The following MBTPS1 variants were observed in gnomAD, a reference collection of about 807,000 sequenced individuals.
MBTPS1 encodes membrane-bound transcription factor site-1 protease.
MBTPS1 carries 94 observed loss-of-function variants against 127.8 expected under a neutral mutation model. That is an observed-to-expected ratio of 0.74 (90% CI 0.62 to 0.87). The LOEUF (loss-of-function observed/expected upper bound fraction) is 0.87, where lower values mean the gene tolerates loss of function less well. Among genes scored for constraint, MBTPS1 ranks in the 40% least tolerant of loss-of-function variants. MBTPS1 has a pLI of 0.00. For missense variants in MBTPS1, 1,636 were observed against 1,353.2 expected (o/e 1.21, Z -3.28); for synonymous variants, 632 against 509.4 (o/e 1.24, Z -3.24).
chr16:84,059,125 C>A (rs1413828574), intron 21 of MBTPS1, among the ~76,000 whole-genome samples, 177 bp downstream of exon 21: 1 of 152,202 alleles, frequency 6.6e-6, no homozygotes, highest in South Asian at 2.1e-4. Flanking sequence ...CAGGATACCA[C>A]CAAAGAGCCT....
chr16:84,080,879 T>C (rs2085930561), intron 11 of MBTPS1, among the ~76,000 whole-genome samples: 1 of 152,212 alleles, frequency 6.6e-6, no homozygotes, highest in Non-Finnish European at 1.5e-5. Flanking sequence ...TAGCTTGACG[T>C]CTGCTTCTTG....
intron 21 of MBTPS1, chr16:84,057,318 G>A (rs1451064990): frequency 6.6e-6 from 1 of 152,238 alleles, no homozygotes; most frequent in African/African-American, 2.4e-5. Context: ...TAGGCTTTAT[G>A]ACTTTGTAGC....
At chr16:84,066,290 A>C (rs2085681950) in intron 17 of MBTPS1, among the ~76,000 whole-genome samples, 199 bp downstream of exon 17, 1 of 151,704 alleles carries the variant, frequency 6.6e-6, no homozygotes. Context: ...GAATGGCTAC[A>C]TAAAATATTT....
intron 16 of MBTPS1, among the ~76,000 whole-genome samples, chr16:84,066,995 A>G (rs934454737): frequency 1.3e-5 from 2 of 152,226 alleles, no homozygotes; most frequent in East Asian, 1.9e-4. Context: ...TTTATAATAC[A>G]TTGGGAGTCC....
chr16:84,111,696 CTT>C (rs1165094962), intron 1 of MBTPS1, among the ~76,000 whole-genome samples: 1 of 152,166 alleles, frequency 6.6e-6, no homozygotes, highest in Non-Finnish European at 1.5e-5. Flanking sequence ...CCTGCTGAAA[CTT>C]TGACTTGAGC....
chr16:84,091,658 A>C, intron 7 of MBTPS1, 74 bp downstream of exon 7: 1 of 966,312 alleles, frequency 1.0e-6, no homozygotes, highest in Non-Finnish European at 1.7e-6. Flanking sequence ...CCAACACACT[A>C]GATATGATGC....
chr16:84,100,178 G>A (rs917865056), intron 2 of MBTPS1, among the ~76,000 whole-genome samples: 28 of 152,070 alleles, frequency 1.8e-4, no homozygotes, highest in Non-Finnish European at 4.0e-4. Context: ...CTGGGAGGTC[G>A]AAGTGGATGG....
At chr16:84,089,113 G>T (rs1050854275) in intron 8 of MBTPS1, among the ~76,000 whole-genome samples, 17 of 152,254 alleles carry the variant, frequency 1.1e-4, no homozygotes, top group Non-Finnish European at 1.9e-4. Flanking sequence ...GGTATGGCCA[G>T]GAGGATGGGC....
chr16:84,077,010 G>A (rs1463903728), intron 11 of MBTPS1, among the ~76,000 whole-genome samples: 2 of 152,160 alleles, frequency 1.3e-5, no homozygotes, highest in African/African-American at 4.8e-5. Flanking sequence ...AGGACGGCTT[G>A]AGCCCAGGAG....
At position 84,059,292 on chromosome 16, in the gene MBTPS1, G is replaced by A. The variant is rs937290932; in HGVS notation, c.2831+10C>T. On this transcript the variant is annotated intron_variant, in intron 21 of 22. Transcript: ENST00000343411. Reference sequence around the variant, plus strand: ...GTGGAAAGAGTGGAAGGGCACAGGCGGACACTAACCTGGGCGCCGTCTCGT... The same window carrying A: ...GTGGAAAGAGTGGAAGGGCACAGGCAGACACTAACCTGGGCGCCGTCTCGT... The A allele has an allele frequency of 5.0e-6, 8 of 1,611,766 alleles. No individual in the cohort carries two copies. Among genetic ancestry groups the A allele is most frequent in the South Asian group, 2.2e-5 (2 of 90,958 alleles).
intron 9 of MBTPS1, among the ~76,000 whole-genome samples, chr16:84,085,577 C>CCCG (rs2086009574): frequency 1.0e-5 from 1 of 99,786 alleles, no homozygotes; most frequent in East Asian, 3.3e-4. Flanking sequence ...ACCCGCCCCC[C>CCCG]CCCCAAAAAA....
chr16:84,070,052 A>G lies in MBTPS1; in HGVS notation c.1783-14T>C. On this transcript the variant is annotated splice_polypyrimidine_tract_variant and intron_variant, in intron 13 of 22. Coordinates refer to ENST00000343411, the MANE Select transcript of MBTPS1 (RefSeq NM_003791.4). ...ACCATTTTTTGACTAAAAAAAAAGAAAAGAAACTTGAAACGCCCTCATTGT... is the reference window on the plus strand; with the variant it reads ...ACCATTTTTTGACTAAAAAAAAAGAGAAGAAACTTGAAACGCCCTCATTGT... 6.4e-7 allele frequency: 1 copy of G among 1,556,538 alleles called. No homozygotes were observed.
chr16:84,073,417 C>A (rs966118509), intron 12 of MBTPS1, among the ~76,000 whole-genome samples: 1 of 152,070 alleles, frequency 6.6e-6, no homozygotes, highest in African/African-American at 2.4e-5. Flanking sequence ...CAGGCTTGAG[C>A]CAACACGCCT....
chr16:84,107,363 G>T (rs1042284749), intron 1 of MBTPS1, among the ~76,000 whole-genome samples: 8 of 152,292 alleles, frequency 5.3e-5, no homozygotes, highest in African/African-American at 1.9e-4. Context: ...GTGCCTTCAA[G>T]TGTAAAAATC....
chr16:84,086,906 AT>A (rs2086036209), intron 9 of MBTPS1, among the ~76,000 whole-genome samples: 2 of 152,148 alleles, frequency 1.3e-5, no homozygotes, highest in Admixed American at 1.3e-4. Flanking sequence ...GCTAAATACA[AT>A]TGTTTCTGTG....
At chr16:84,094,668 A>C (rs1276633240) in intron 4 of MBTPS1, among the ~76,000 whole-genome samples, 3 of 152,378 alleles carry the variant, frequency 2.0e-5, no homozygotes, top group African/African-American at 4.8e-5. Flanking sequence ...TACTTTTAAA[A>C]AATGCACACA....
intron 11 of MBTPS1, among the ~76,000 whole-genome samples, chr16:84,076,080 A>G (rs1277643070): frequency 6.6e-6 from 1 of 152,222 alleles, no homozygotes; most frequent in Admixed American, 6.5e-5. Flanking sequence ...TTAAGAAAAC[A>G]AAATAGCAAG....
chr16:84,056,029 T>C lies in MBTPS1; in HGVS notation c.2938A>G (p.Ser980Gly). 1 of 1,613,408 alleles carries C rather than the reference T, an allele frequency of 6.2e-7. No homozygotes were observed. Among genetic ancestry groups the C allele is most frequent in the Non-Finnish European group, 8.5e-7 (1 of 1,179,720 alleles). Residue 980 changes from serine (S) to glycine (G), a missense_variant, in exon 22 of 23, where the codon AGC (serine) becomes GGC (glycine). Transcript: ENST00000343411. ...PQVRPLSPGE[S>G]GAWDIPGGIM... ...CCTCCAGGAATGTCCCAGGCGCCGCTCTCTCCAGGGGACAAGGGCCTCACT... is the reference window on the plus strand; with the variant it reads ...CCTCCAGGAATGTCCCAGGCGCCGCCCTCTCCAGGGGACAAGGGCCTCACT...
intron 1 of MBTPS1, among the ~76,000 whole-genome samples, chr16:84,102,995 C>G (rs2086278136): frequency 6.6e-6 from 1 of 152,132 alleles, no homozygotes; most frequent in Non-Finnish European, 1.5e-5. Context: ...GTGAGGGAAA[C>G]TACTGCTAAA....
Sources: allele counts gnomAD v4.1 joint callset (sites outside exome capture counted in the v4.1 genomes callset), GRCh38; gene constraint gnomAD v4.1.1; transcripts MANE v1.5; gene names NCBI Gene and HGNC (gene_info 2026-07-23, HGNC 2026-07-21).